WDFY3: variants seen among roughly 807,000 people sequenced by gnomAD.
WDFY3 encodes the protein WD repeat and FYVE domain-containing protein 3.
WDFY3 carries 66 observed loss-of-function variants against 409.6 expected under a neutral mutation model. The ratio of observed to expected loss-of-function variants is 0.16; its 90% CI spans 0.13 to 0.20. WDFY3 has a LOEUF of 0.20. WDFY3 is among the 10% of genes least tolerant of loss of function. The pLI is 1.00. For synonymous variants in WDFY3, 1,521 were observed against 1,537.1 expected (o/e 0.99, Z 0.25); for missense variants, 3,031 against 4,298.1 (o/e 0.71, Z 8.24).
chr4:84,834,490 CA>C (rs199974982), intron 7 of WDFY3, among the ~76,000 whole-genome samples: 58 of 142,094 alleles, frequency 4.1e-4, no homozygotes, highest in East Asian at 4.1e-4. Context: ...CTACTAAAAA[CA>C]AAAAAAAAAA....
intron 32 of WDFY3, among the ~76,000 whole-genome samples, chr4:84,761,924 C>T (rs1193956392): frequency 4.6e-5 from 7 of 152,132 alleles, no homozygotes; most frequent in African/African-American, 1.2e-4. Flanking sequence ...TATCATCTCA[C>T]ACCAGTTAGA....
chr4:84,912,278 T>C (rs1767898376), intron 2 of WDFY3, among the ~76,000 whole-genome samples: 1 of 152,192 alleles, frequency 6.6e-6, no homozygotes, highest in African/African-American at 2.4e-5. Flanking sequence ...CAGGTACAGC[T>C]GCCGACTATT....
intron 35 of WDFY3, among the ~76,000 whole-genome samples, chr4:84,752,833 T>A (rs372992097): frequency 4.1e-4 from 62 of 152,336 alleles, no homozygotes; most frequent in African/African-American, 1.5e-3. Flanking sequence ...CTTTTGGGTG[T>A]GTTTTATCTA....
At chr4:84,721,861 A>ACAAC (rs1339914287) in intron 46 of WDFY3, among the ~76,000 whole-genome samples, 2 of 152,070 alleles carry the variant, frequency 1.3e-5, no homozygotes, top group African/African-American at 4.8e-5. Context: ...AACAACAACA[A>ACAAC]AAAACATGGT....
intron 56 of WDFY3, among the ~76,000 whole-genome samples, chr4:84,699,503 A>T (rs1730728313): frequency 6.6e-6 from 1 of 152,202 alleles, no homozygotes. Context: ...GTTATTGTGA[A>T]TAATGCTACT....
chr4:84,678,304 A>G (rs2148740540), intron 65 of WDFY3, 25 bp from the exon 66 acceptor site: 1 of 1,554,880 alleles, frequency 6.4e-7, no homozygotes, highest in Non-Finnish European at 8.9e-7. Flanking sequence ...TGGAGGACAC[A>G]ACATAACTCA....
At chr4:84,813,158 T>C (rs540428584) in intron 13 of WDFY3, among the ~76,000 whole-genome samples, 1 of 152,270 alleles carries the variant, frequency 6.6e-6, no homozygotes, top group African/African-American at 2.4e-5. Flanking sequence ...AGGTCTGTGG[T>C]ATATGTCAGT....
At chr4:84,870,087 A>G (rs1761946207) in intron 3 of WDFY3, among the ~76,000 whole-genome samples, 2 of 152,204 alleles carry the variant, frequency 1.3e-5, no homozygotes, top group African/African-American at 4.8e-5. Context: ...CATTTGCGAT[A>G]CTGAAAAAGT....
At chr4:84,740,164 C>A in intron 39 of WDFY3, 23 bp downstream of exon 39, 1 of 1,611,070 alleles carries the variant, frequency 6.2e-7, no homozygotes, top group Non-Finnish European at 8.5e-7. Context: ...TTTAACATGG[C>A]AAACTGAACC....
chr4:84,685,189 G>A (rs1728099075), intron 62 of WDFY3, among the ~76,000 whole-genome samples: 1 of 152,128 alleles, frequency 6.6e-6, no homozygotes, highest in South Asian at 2.1e-4. Flanking sequence ...ACCTACATAA[G>A]TCTTAAGATG....
At chr4:84,946,828 A>G (rs2151079735) in intron 1 of WDFY3, among the ~76,000 whole-genome samples, 1 of 150,470 alleles carries the variant, frequency 6.6e-6, no homozygotes, top group East Asian at 2.0e-4. Flanking sequence ...TTTTTTTGAG[A>G]CAGAGTCTCG....
chr4:84,952,205 T>G (rs1478265535), intron 1 of WDFY3, among the ~76,000 whole-genome samples: 1 of 152,110 alleles, frequency 6.6e-6, no homozygotes, highest in Non-Finnish European at 1.5e-5. Flanking sequence ...AAAACACCTA[T>G]GCCAACCCAT....
Position 84,783,148 on chromosome 4 carries a change from A to G in WDFY3, c.4063-74T>C, listed in dbSNP as rs1746866973. On this transcript the variant is annotated intron_variant, in intron 24 of 67. Transcript: ENST00000295888. ...ATGTTTTGATTGGAAAAGAAACCAAACACATGAATGGTAACATATCTTTTC... is the reference window on the plus strand; with the variant it reads ...ATGTTTTGATTGGAAAAGAAACCAAGCACATGAATGGTAACATATCTTTTC... The G allele has an allele frequency of 3.1e-6, 4 of 1,300,744 alleles. No individual in the cohort carries two copies. The South Asian group carries it at 3.8e-5, about 12-fold the overall frequency. The allele number at this position is 1,300,744 out of a possible 1,614,324, so 80.6% of individuals were successfully genotyped here.
intron 36 of WDFY3, 80 bp from the exon 37 acceptor site, chr4:84,743,879 A>G (rs190892706): frequency 5.6e-6 from 5 of 900,224 alleles, no homozygotes; most frequent in Middle Eastern, 4.1e-4. Context: ...ATTACCTAAT[A>G]TATTAAAAAG....
intron 3 of WDFY3, among the ~76,000 whole-genome samples, chr4:84,890,315 G>A (rs1032038729): frequency 6.6e-6 from 1 of 152,140 alleles, no homozygotes; most frequent in African/African-American, 2.4e-5. Context: ...GCCCAGGCTG[G>A]TCTTGAACTC....
chr4:84,818,224 G>T (rs1049824717), intron 12 of WDFY3, among the ~76,000 whole-genome samples: 2 of 152,056 alleles, frequency 1.3e-5, no homozygotes, highest in African/African-American at 4.8e-5. Context: ...TGCCTACATA[G>T]CCCAGCTCTG....
intron 30 of WDFY3, among the ~76,000 whole-genome samples, chr4:84,772,193 C>T (rs1744791735): frequency 6.6e-6 from 1 of 151,924 alleles, no homozygotes; most frequent in Admixed American, 6.6e-5. Flanking sequence ...AATTTAATTC[C>T]AGAGGTCAAC....
chr4:84,713,338 C>A, intron 50 of WDFY3, 99 bp from the exon 51 acceptor site: 1 of 1,046,512 alleles, frequency 9.6e-7, no homozygotes, highest in Non-Finnish European at 1.5e-6. Context: ...TTCATAGTTG[C>A]GTCTACCCTC....
At chr4:84,899,744 T>G (rs1363651614) in intron 2 of WDFY3, among the ~76,000 whole-genome samples, 1 of 151,944 alleles carries the variant, frequency 6.6e-6, no homozygotes, top group Non-Finnish European at 1.5e-5. Context: ...ACTAAAGAAA[T>G]AAAAACTGGG....
Sources: allele counts gnomAD v4.1 joint callset (sites outside exome capture counted in the v4.1 genomes callset), GRCh38; gene constraint gnomAD v4.1.1; transcripts MANE v1.5; gene names NCBI Gene and HGNC (gene_info 2026-07-23, HGNC 2026-07-21).